CNTNAP3: variants seen among roughly 807,000 people sequenced by gnomAD.
CNTNAP3 encodes the protein contactin associated protein family member 3, also known as contactin-associated protein-like 3.
CNTNAP3 carries 36 observed loss-of-function variants against 92.1 expected under a neutral mutation model. That is an observed-to-expected ratio of 0.39 (90% CI 0.30 to 0.52). The LOEUF is 0.52. Among genes scored for constraint, CNTNAP3 ranks in the 20% least tolerant of loss-of-function variants. CNTNAP3 has a pLI of 0.76. For missense variants in CNTNAP3, 534 were observed against 1,069.6 expected (o/e 0.50, Z 6.98); for synonymous variants, 232 against 422.3 (o/e 0.55, Z 5.53).
At chr9:39,113,661 A>G (rs1820766395) in intron 14 of CNTNAP3, among the ~76,000 whole-genome samples, 1 of 152,076 alleles carries the variant, frequency 6.6e-6, no homozygotes, top group Non-Finnish European at 1.5e-5. Flanking sequence ...ACTTTTAAAA[A>G]TTATATATTC....
chr9:39,132,044 C>T (rs1019512419), intron 13 of CNTNAP3, among the ~76,000 whole-genome samples: 84 of 151,970 alleles, frequency 5.5e-4, no homozygotes, highest in African/African-American at 1.9e-3. Context: ...TTTTTTAAGA[C>T]AAGGTGTTGC....
intron 14 of CNTNAP3, among the ~76,000 whole-genome samples, chr9:39,114,034 A>G (rs912988161): frequency 1.7e-4 from 25 of 143,214 alleles, no homozygotes; most frequent in African/African-American, 6.7e-4. Flanking sequence ...ACACACATAT[A>G]TACACACACA....
At chr9:39,144,510 T>C (rs1821654127) in intron 10 of CNTNAP3, among the ~76,000 whole-genome samples, 164 bp from the exon 11 acceptor site, 1 of 151,838 alleles carries the variant, frequency 6.6e-6, no homozygotes, top group Non-Finnish European at 1.5e-5. Flanking sequence ...GGTTCTCTAA[T>C]TATATTGACA....
intron 20 of CNTNAP3, 157 bp from the exon 21 acceptor site, chr9:39,085,980 A>G (rs1826054161): frequency 1.3e-6 from 1 of 753,452 alleles, no homozygotes; most frequent in Admixed American, 2.5e-5. Context: ...AATCATTTAG[A>G]AAGAGAAGCT....
At chr9:39,127,780 G>GA (rs927675733) in intron 13 of CNTNAP3, among the ~76,000 whole-genome samples, 31 of 151,256 alleles carry the variant, frequency 2.0e-4, no homozygotes, top group East Asian at 5.8e-4. Flanking sequence ...TAAAATTACT[G>GA]AAAAAAAAAT....
intron 14 of CNTNAP3, among the ~76,000 whole-genome samples, chr9:39,117,007 T>C (rs1459761091): frequency 6.6e-6 from 1 of 151,926 alleles, no homozygotes; most frequent in African/African-American, 2.4e-5. Context: ...ATTATTATTA[T>C]TTTGAGGTGG....
intron 11 of CNTNAP3, among the ~76,000 whole-genome samples, chr9:39,142,960 G>T (rs1469014958): frequency 6.6e-6 from 1 of 151,926 alleles, no homozygotes. Context: ...TGAGCAAGTG[G>T]AACTGAGGAC....
intron 11 of CNTNAP3, among the ~76,000 whole-genome samples, chr9:39,140,920 T>C (rs1821559187): frequency 6.6e-6 from 1 of 152,204 alleles, no homozygotes; most frequent in Admixed American, 6.5e-5. Flanking sequence ...GTATTTCTAT[T>C]TTGAGGAAGA....
chr9:39,120,183 C>G (rs891020300), intron 13 of CNTNAP3, among the ~76,000 whole-genome samples: 1 of 152,006 alleles, frequency 6.6e-6, no homozygotes, highest in African/African-American at 2.4e-5. Flanking sequence ...CAAAACAAAA[C>G]AGAAATCTTG....
At chr9:39,174,424 C>G in intron 7 of CNTNAP3, 1 of 603,542 alleles carries the variant, frequency 1.7e-6, no homozygotes, top group Non-Finnish European at 3.0e-6. Context: ...TCATGGGCTT[C>G]ACAGCTGTTT....
intron 14 of CNTNAP3, among the ~76,000 whole-genome samples, chr9:39,116,882 C>G (rs1820870840): frequency 6.6e-6 from 1 of 152,092 alleles, no homozygotes; most frequent in Non-Finnish European, 1.5e-5. Flanking sequence ...CCATGCAGGC[C>G]AAACAACTCC....
chr9:39,124,860 A>C (rs931990486), intron 13 of CNTNAP3, among the ~76,000 whole-genome samples: 3 of 152,146 alleles, frequency 2.0e-5, no homozygotes, highest in Non-Finnish European at 4.4e-5. Flanking sequence ...AGGAAACAAC[A>C]GGTGCAGGAG....
intron 13 of CNTNAP3, among the ~76,000 whole-genome samples, chr9:39,120,595 G>A (rs1270237177): frequency 6.6e-5 from 10 of 152,076 alleles, no homozygotes; most frequent in African/African-American, 2.2e-4. Context: ...GCGTGAACCC[G>A]GGAGGCGGAG....
chr9:39,093,985 AAG>A (rs1178661292), intron 18 of CNTNAP3, among the ~76,000 whole-genome samples: 3 of 151,370 alleles, frequency 2.0e-5, no homozygotes, highest in Admixed American at 6.6e-5. Context: ...CCAGTAACAA[AAG>A]AGAGTTCCAA....
At chr9:39,118,702 A>C (rs2117965924) in intron 13 of CNTNAP3, among the ~76,000 whole-genome samples, 2 of 152,344 alleles carry the variant, frequency 1.3e-5, no homozygotes, top group Admixed American at 1.3e-4. Context: ...TGTATATTAC[A>C]CATTTGGAAA....
At chr9:39,117,578 TGC>T (rs1820889766) in intron 14 of CNTNAP3, among the ~76,000 whole-genome samples, 1 of 152,212 alleles carries the variant, frequency 6.6e-6, no homozygotes. Flanking sequence ...GAACAGTTGG[TGC>T]TTGAAGCTTT....
chr9:39,105,823 T>C (rs1436099958), intron 15 of CNTNAP3, among the ~76,000 whole-genome samples: 2 of 150,510 alleles, frequency 1.3e-5, no homozygotes, highest in Non-Finnish European at 1.5e-5. Context: ...GCCCTCTCAG[T>C]AGTCAGCTAG....
At chr9:39,123,488 A>C (rs1034279049) in intron 13 of CNTNAP3, among the ~76,000 whole-genome samples, 8 of 152,086 alleles carry the variant, frequency 5.3e-5, no homozygotes, top group African/African-American at 1.2e-4. Context: ...AGAAATATTT[A>C]AAATAATGAC....
rs771474612 is a variant in CNTNAP3, at chr9:39,118,105, T to A, written c.2235A>T (p.Glu745Asp). 2 of 1,604,556 alleles carry A rather than the reference T, an allele frequency of 1.2e-6. No homozygotes were observed. Among genetic ancestry groups the A allele is most frequent in the East Asian group, 4.5e-5 (2 of 44,758 alleles). ...CAGGGAAATCATGTGGAAATCACCA[T>A]TCATTCCGGCCAGCATCACAGTTGC... Reference protein sequence around the residue: ...YYCNCDAGRNEWTSDTIVLSQ... With the variant: ...YYCNCDAGRNDWTSDTIVLSQ... The change falls in exon 14 of 24, where the codon GAA becomes GAT. Residue 745 changes from glutamate to aspartate, a missense_variant and splice_region_variant. Coordinates refer to ENST00000297668, the MANE Select transcript of CNTNAP3 (RefSeq NM_033655.5).
Sources: allele counts gnomAD v4.1 joint callset (sites outside exome capture counted in the v4.1 genomes callset), GRCh38; gene constraint gnomAD v4.1.1; transcripts MANE v1.5; gene names NCBI Gene and HGNC (gene_info 2026-07-23, HGNC 2026-07-21).